CAPZA2: variants seen among roughly 807,000 people sequenced by gnomAD.
The protein encoded by CAPZA2 is capping actin protein of muscle Z-line subunit alpha 2.
In CAPZA2, 13 loss-of-function variants were observed where a neutral mutation model predicts 44.0. The observed-to-expected ratio is 0.30, with a 90% CI of 0.19 to 0.47. The LOEUF (loss-of-function observed/expected upper bound fraction) is 0.47, where lower values mean the gene tolerates loss of function less well. Ranked by LOEUF, CAPZA2 falls within the 20% of genes least tolerant of loss-of-function variation. The pLI, the probability that CAPZA2 is intolerant of heterozygous loss-of-function variation, is 1.00. For synonymous variants in CAPZA2, 94 were observed against 108.2 expected (o/e 0.87, Z 0.81); for missense variants, 244 against 338.6 (o/e 0.72, Z 2.19).
At chr7:116,888,102 A>C (rs768770567) in intron 1 of CAPZA2, 25 bp from the exon 2 acceptor site, 1 of 1,564,130 alleles carries the variant, frequency 6.4e-7, no homozygotes, top group African/African-American at 1.4e-5. Context: ...GATATGGAAC[A>C]TTTATATCTT....
intron 1 of CAPZA2, chr7:116,886,078 A>G (rs1652040078): frequency 6.5e-6 from 1 of 154,814 alleles, no homozygotes; most frequent in Non-Finnish European, 1.5e-5. Flanking sequence ...TTGATGTCAG[A>G]TACCAGATAG....
intron 4 of CAPZA2, among the ~76,000 whole-genome samples, chr7:116,901,881 A>ATGTGTGTGTGTGTG (rs1554410805): frequency 7.8e-4 from 110 of 140,898 alleles, no homozygotes; most frequent in Non-Finnish European, 1.3e-3. Context: ...TAACGAAGAA[A>ATGTGTGTGTGTGTG]TGTGTGTGTG....
At chr7:116,868,567 T>C (rs910154746) in intron 1 of CAPZA2, among the ~76,000 whole-genome samples, 3 of 152,132 alleles carry the variant, frequency 2.0e-5, no homozygotes, top group Non-Finnish European at 2.9e-5. Context: ...ACCCTGTCTG[T>C]ACTAAAAGTA....
chr7:116,886,629 G>C (rs906556502), intron 1 of CAPZA2, among the ~76,000 whole-genome samples: 1 of 152,226 alleles, frequency 6.6e-6, no homozygotes, highest in Non-Finnish European at 1.5e-5. Context: ...CATACAGTGA[G>C]TACTTGAATG....
rs533601319 is a variant in CAPZA2, at chr7:116,888,208, A to C, written c.103+18A>C. 5 of 1,556,196 alleles carry C rather than the reference A, an allele frequency of 3.2e-6. No individual in the cohort carries two copies. In the South Asian group the frequency reaches 5.6e-5, roughly 17 times the overall value. On this transcript the variant is annotated intron_variant, in intron 2 of 9. Transcript: ENST00000361183. ...TTTCAATGGTGAGTGTTTGATTTATAACACTAGGCTTGATATATCAAGCCC... is the reference window on the plus strand; with the variant it reads ...TTTCAATGGTGAGTGTTTGATTTATCACACTAGGCTTGATATATCAAGCCC...
At chr7:116,917,355 C>T (rs964257950) in intron 9 of CAPZA2, among the ~76,000 whole-genome samples, 4 of 152,136 alleles carry the variant, frequency 2.6e-5, no homozygotes, top group Non-Finnish European at 4.4e-5. Flanking sequence ...TCCAGGTTCA[C>T]GCCATTCTCC....
At chr7:116,877,129 T>G (rs1212726363) in intron 1 of CAPZA2, among the ~76,000 whole-genome samples, 2 of 152,214 alleles carry the variant, frequency 1.3e-5, no homozygotes, top group Non-Finnish European at 2.9e-5. Context: ...CTCTCCCTGT[T>G]TTCCCTAAGT....
intron 4 of CAPZA2, among the ~76,000 whole-genome samples, chr7:116,902,084 C>T (rs1413828960): frequency 2.0e-5 from 3 of 151,972 alleles, no homozygotes; most frequent in East Asian, 3.9e-4. Flanking sequence ...AGAATTTAGT[C>T]TCAGAATATA....
At chr7:116,906,922 T>C (rs190791320) in intron 6 of CAPZA2, among the ~76,000 whole-genome samples, 1 of 152,340 alleles carries the variant, frequency 6.6e-6, no homozygotes, top group Non-Finnish European at 1.5e-5. Context: ...TTGTTGGTCA[T>C]TTTTATTCTT....
intron 4 of CAPZA2, among the ~76,000 whole-genome samples, chr7:116,901,501 G>A (rs552101484): frequency 6.6e-6 from 1 of 152,176 alleles, no homozygotes; most frequent in East Asian, 1.9e-4. Flanking sequence ...AACACACTGG[G>A]ACCTATCAGA....
intron 1 of CAPZA2, among the ~76,000 whole-genome samples, chr7:116,869,391 A>G (rs1457660967): frequency 1.3e-5 from 2 of 152,364 alleles, no homozygotes; most frequent in Non-Finnish European, 2.9e-5. Flanking sequence ...CTTTTCTTAT[A>G]CATTCTAATT....
intron 1 of CAPZA2, among the ~76,000 whole-genome samples, chr7:116,863,812 ATG>A (rs1422065492): frequency 6.6e-6 from 1 of 151,974 alleles, no homozygotes; most frequent in African/African-American, 2.4e-5. Flanking sequence ...AGAAATCTTC[ATG>A]TAAGTCTGAG....
At chr7:116,901,636 T>C (rs887874040) in intron 4 of CAPZA2, among the ~76,000 whole-genome samples, 1 of 152,118 alleles carries the variant, frequency 6.6e-6, no homozygotes, top group Admixed American at 6.6e-5. Flanking sequence ...ATAATAAACC[T>C]GCACATGTAC....
rs946808590 is a variant in CAPZA2 at position 116,919,152 on chromosome 7, C to T, written c.*1285C>T. On this transcript the variant is annotated 3_prime_UTR_variant, in exon 10 of 10. Transcript: ENST00000361183. Reference sequence around the variant, plus strand: ...TATGTACAATAAAATATTTCATTAGCTTGAATTGTATAGATTTTTAAAAAT... The same window carrying T: ...TATGTACAATAAAATATTTCATTAGTTTGAATTGTATAGATTTTTAAAAAT... 2 of 150,366 alleles carry T rather than the reference C, an allele frequency of 1.3e-5. No homozygotes were observed. Among genetic ancestry groups the T allele is most frequent in the Admixed American group, 6.7e-5 (1 of 15,036 alleles). The allele number at this position is 150,366 out of a possible 1,614,324, so 9.3% of individuals were successfully genotyped here.
chr7:116,867,356 C>G (rs1236934412), intron 1 of CAPZA2, among the ~76,000 whole-genome samples: 1 of 152,152 alleles, frequency 6.6e-6, no homozygotes, highest in Non-Finnish European at 1.5e-5. Flanking sequence ...CCTCCTGTTT[C>G]CTGTATCTAA....
chr7:116,913,071 A>G (rs1040217124), intron 8 of CAPZA2, among the ~76,000 whole-genome samples: 2 of 152,010 alleles, frequency 1.3e-5, no homozygotes, highest in Non-Finnish European at 2.9e-5. Context: ...GATCATTTGT[A>G]TATCTTTTGG....
rs1269780737 is a variant in CAPZA2 at position 116,921,957 on chromosome 7, T to C, written c.*4090T>C. 6.6e-6 allele frequency: 1 copy of C among 152,202 alleles called. No individual in the cohort carries two copies. The highest frequency in any genetic ancestry group is 2.4e-5 in the African/African-American group (1 of 41,456). 9.4% of individuals were successfully genotyped at this position (152,202 alleles called of 1,614,324 possible). ...TATATGATTACATTTTAATAAGTTA[T>C]ATAAATATGCAGATATTCATGCGGC... On this transcript the variant is annotated 3_prime_UTR_variant, in exon 10 of 10. Transcript: ENST00000361183.
At chr7:116,890,972 GCTGA>G (rs1374662652) in intron 2 of CAPZA2, among the ~76,000 whole-genome samples, 1 of 151,802 alleles carries the variant, frequency 6.6e-6, no homozygotes, top group African/African-American at 2.4e-5. Context: ...TGTTTCCTAG[GCTGA>G]CTGTGTTAGA....
chr7:116,898,720 T>TA, intron 3 of CAPZA2, 52 bp from the exon 4 acceptor site: 2 of 1,243,090 alleles, frequency 1.6e-6, no homozygotes, highest in South Asian at 1.4e-5. Flanking sequence ...CCATTGTTTT[T>TA]AAAAAACATT....
Sources: gnomAD v4.1 joint callset for allele counts (sites outside exome capture counted in the v4.1 genomes callset) on GRCh38, gnomAD v4.1.1 for gene constraint, MANE v1.5 for transcripts, NCBI Gene and HGNC (gene_info 2026-07-23, HGNC 2026-07-21) for gene names.